Variants in ZNF782 observed in about 807,000 individuals in gnomAD.
ZNF782 encodes zinc finger protein 782.
Under a neutral mutation model 13.0 loss-of-function variants are expected in ZNF782, and 12 were observed. The ratio of observed to expected loss-of-function variants is 0.92; its 90% CI spans 0.59 to 1.50. ZNF782 has a LOEUF of 1.50. ZNF782 is among the 40% of genes most tolerant of loss of function. The probability of loss-of-function intolerance (pLI) is 0.00; values close to 1 mark genes in which losing one functional copy is unlikely to be tolerated. For synonymous variants in ZNF782, 284 were observed against 283.0 expected (o/e 1.00, Z -0.04); for missense variants, 770 against 822.9 (o/e 0.94, Z 0.79).
At chr9:96,922,538 C>T in the ZNF782 span, among the ~76,000 whole-genome samples, 21 of 152,404 alleles carry the variant, frequency 1.4e-4, no homozygotes, top group Admixed American at 3.3e-4. Flanking sequence ...TTTGGGAGGC[C>T]GAGGCAGGCG....
intron 4 of ZNF782, among the ~76,000 whole-genome samples, chr9:96,841,296 G>A (rs1476578188): frequency 2.6e-5 from 4 of 151,830 alleles, no homozygotes; most frequent in African/African-American, 9.7e-5. Flanking sequence ...GGTTTCACTA[G>A]ATAACTCTAT....
Position 96,863,730 on chromosome 9 carries a change from G to A in ZNF782, c.-456-2127C>T, listed in dbSNP as rs1016381760. On this transcript the variant is annotated intron_variant, in intron 1 of 5. Coordinates refer to the ZNF782 transcript ENST00000498811. ...TTGCAGCAACTTGGATGGAGCTGGC[G>A]GCCATTATTCAAAGTGAAGTAACTC... 3.9e-5 allele frequency among the ~76,000 whole-genome samples: 6 copies of A among 152,142 alleles called. No individual in the cohort carries two copies. The East Asian group carries it at 5.8e-4, about 15-fold the overall frequency.
rs1453153135 is a variant in ZNF782, at chr9:96,818,739, A to G, written c.1284T>C (p.Asp428=). ...GGCCTGACTTTGCACTGAAAGCTTT[A>G]TCACATCCATCACATTTGTATGGTT... ...GEKPYKCDGC[D]KAFSAKSGLR... The change falls in exon 6 of 6, where the codon GAT becomes GAC. Residue 428 remains aspartate (D), a synonymous_variant. Transcript: ENST00000481138. 7 of 1,613,364 alleles carry G rather than the reference A, an allele frequency of 4.3e-6. No individual in the cohort carries two copies. The African/African-American group carries it at 9.4e-5, about 22-fold the overall frequency.
At chr9:96,912,532 T>C in the ZNF782 span, among the ~76,000 whole-genome samples, 1 of 147,878 alleles carries the variant, frequency 6.8e-6, no homozygotes, top group African/African-American at 2.5e-5. Context: ...TTCTTTTTTT[T>C]CCTTTTATTT....
chr9:96,846,177 T>C (rs1851335314), intron 3 of ZNF782, among the ~76,000 whole-genome samples: 2 of 152,148 alleles, frequency 1.3e-5, no homozygotes, highest in Non-Finnish European at 2.9e-5. Context: ...ACCAGCACTA[T>C]GAGAAATGCT....
At chr9:96,851,845 A>G (rs1851496288) in intron 3 of ZNF782, 102 bp downstream of exon 3, 2 of 1,212,888 alleles carry the variant, frequency 1.6e-6, no homozygotes, top group African/African-American at 1.6e-5. Context: ...TTTTCCCTCA[A>G]GATTTACTTA....
intron 1 of ZNF782, among the ~76,000 whole-genome samples, chr9:96,868,560 CTA>C: frequency 6.6e-6 from 1 of 152,192 alleles, no homozygotes; most frequent in East Asian, 1.9e-4. Context: ...GAAGGCTTGA[CTA>C]TGTTTCTTAA....
At chr9:96,829,569 T>C (rs1052796240) in intron 4 of ZNF782, among the ~76,000 whole-genome samples, 1 of 152,108 alleles carries the variant, frequency 6.6e-6, no homozygotes, top group Non-Finnish European at 1.5e-5. Context: ...AGATTACAAG[T>C]AAATAAGAAG....
the ZNF782 span, among the ~76,000 whole-genome samples, chr9:96,919,709 G>A: frequency 6.9e-4 from 103 of 149,754 alleles, no homozygotes; most frequent in Non-Finnish European, 1.3e-3. Flanking sequence ...GATTAAAGGC[G>A]TGTACCACTA....
In ZNF782 at chr9:96,851,982, G is replaced by A. The variant is rs1189148791; in HGVS notation, c.-21C>T. 4 of 1,613,510 alleles carry A rather than the reference G, an allele frequency of 2.5e-6. No individual in the cohort carries two copies. The highest frequency in any genetic ancestry group is 3.4e-6 in the Non-Finnish European group (4 of 1,179,552). Reference sequence around the variant, plus strand: ...TTCATTTTCTGTGGCTCTTGGGAGAGTATAGAGAACTGTAAAGCCTCAGCT... The same window carrying A: ...TTCATTTTCTGTGGCTCTTGGGAGAATATAGAGAACTGTAAAGCCTCAGCT... On this transcript the variant is annotated 5_prime_UTR_variant, in exon 3 of 6. Coordinates refer to ENST00000481138, the MANE Select transcript of ZNF782 (RefSeq NM_001001662.3).
the ZNF782 span, chr9:96,888,276 AGAGCAAAGAATTACTG>A: frequency 6.6e-6 from 1 of 152,202 alleles, no homozygotes; most frequent in African/African-American, 2.4e-5. Flanking sequence ...AGTAGACCTC[AGAGCAAAGAATTACTG>A]GAGCAAAGAG....
chr9:96,932,153 G>T, the ZNF782 span: 1 of 1,611,518 alleles, frequency 6.2e-7, no homozygotes, highest in African/African-American at 1.3e-5. Flanking sequence ...CTGTGAGGGA[G>T]GCTGGTCCCA....
At chr9:96,875,882 A>C (rs958163984), upstream of ZNF782, among the ~76,000 whole-genome samples, 1 of 152,240 alleles carries the variant, frequency 6.6e-6, no homozygotes, top group African/African-American at 2.4e-5. Flanking sequence ...CAGCGAGCTA[A>C]GCTTGCACAT....
chr9:96,927,207 GC>G, the ZNF782 span, among the ~76,000 whole-genome samples: 1 of 152,222 alleles, frequency 6.6e-6, no homozygotes, highest in East Asian at 1.9e-4. Context: ...AGAGACTCCA[GC>G]CAGGATTCAC....
chr9:96,918,231 T>C, the ZNF782 span, among the ~76,000 whole-genome samples: 2 of 150,570 alleles, frequency 1.3e-5, no homozygotes, highest in East Asian at 2.0e-4. Context: ...TGAAAGCCTG[T>C]CTGTACTAAA....
the ZNF782 span, among the ~76,000 whole-genome samples, chr9:96,896,413 T>C: frequency 6.6e-6 from 1 of 152,142 alleles, no homozygotes; most frequent in Non-Finnish European, 1.5e-5. Context: ...CTGGAAGCAG[T>C]AAGAAGTAGC....
the ZNF782 span, chr9:96,892,397 AT>A: frequency 6.6e-6 from 1 of 152,210 alleles, no homozygotes; most frequent in African/African-American, 2.4e-5. Context: ...TCTGAGTGGA[AT>A]TGCTGGGAAT....
rs1850225866 is a variant in ZNF782, at chr9:96,817,952, C to T, written c.2071G>A (p.Glu691Lys). Reference protein sequence around the residue: ...RTFSQKSSLREHQKAHPGD With the variant: ...RTFSQKSSLRKHQKAHPGD ...TCCCCTGGGTGGGCTTTCTGATGTT[C>T]TCTAAGGCTTGATTTTTGACTGAAA... Residue 691 changes from glutamate to lysine, a missense_variant, in exon 6 of 6, where the codon GAA (glutamate) becomes AAA (lysine). Physicochemically the swap from Glu to Lys is moderately conservative, Grantham distance 56 (BLOSUM62 1). Transcript: ENST00000481138. The T allele has an allele frequency of 7.5e-6, 12 of 1,597,240 alleles. No homozygotes were observed. Among genetic ancestry groups the T allele is most frequent in the Non-Finnish European group, 9.4e-6 (11 of 1,172,496 alleles).
the ZNF782 span, chr9:96,888,263 T>A: frequency 6.6e-6 from 1 of 152,026 alleles, no homozygotes; most frequent in African/African-American, 2.4e-5. Flanking sequence ...TTAATACTAA[T>A]ACAGTAGACC....
Sources: gnomAD v4.1 joint callset for allele counts (sites outside exome capture counted in the v4.1 genomes callset) on GRCh38, gnomAD v4.1.1 for gene constraint, MANE v1.5 for transcripts, NCBI Gene and HGNC (gene_info 2026-07-23, HGNC 2026-07-21) for gene names.